CCDC180: variants seen among roughly 807,000 people sequenced by gnomAD.
The protein encoded by CCDC180 is coiled-coil domain-containing protein 180.
CCDC180 carries 154 observed loss-of-function variants against 209.2 expected under a neutral mutation model. The ratio of observed to expected loss-of-function variants is 0.74; its 90% CI spans 0.65 to 0.84. CCDC180 has a LOEUF of 0.84. Ranked by LOEUF, CCDC180 falls within the 40% of genes least tolerant of loss-of-function variation. The pLI, the probability that CCDC180 is intolerant of heterozygous loss-of-function variation, is 0.00. For missense variants in CCDC180, 1,874 were observed against 1,997.3 expected (o/e 0.94, Z 1.18); for synonymous variants, 778 against 749.1 (o/e 1.04, Z -0.63).
At chr9:97,327,993 C>T (rs1833590764) in intron 15 of CCDC180, 27 bp from the exon 16 acceptor site, 1 of 1,605,508 alleles carries the variant, frequency 6.2e-7, no homozygotes, top group Non-Finnish European at 8.5e-7. Context: ...TAGCTGGGGT[C>T]TCCTGTCTTA....
chr9:97,323,776 T>C lies in CCDC180; in HGVS notation c.1249-5T>C. The C allele has an allele frequency of 6.4e-7, 1 of 1,557,734 alleles. No homozygotes were observed. On this transcript the variant is annotated splice_polypyrimidine_tract_variant and splice_region_variant and intron_variant, in intron 12 of 36. Coordinates refer to ENST00000529487, the MANE Select transcript of CCDC180 (RefSeq NM_020893.6). ...CCAGGCTCTGCCTTGTCCCACACACTCCAGAAGCAGCTGCTGGACTGGAAA... is the reference window on the plus strand; with the variant it reads ...CCAGGCTCTGCCTTGTCCCACACACCCCAGAAGCAGCTGCTGGACTGGAAA...
At chr9:97,318,209 A>G (rs1428240827) in intron 9 of CCDC180, among the ~76,000 whole-genome samples, 1 of 152,198 alleles carries the variant, frequency 6.6e-6, no homozygotes, top group Non-Finnish European at 1.5e-5. Flanking sequence ...TGTTGGTGCC[A>G]GAGCTCCATT....
intron 32 of CCDC180, 148 bp from the exon 33 acceptor site, chr9:97,370,493 C>A: frequency 1.1e-6 from 1 of 873,680 alleles, no homozygotes; most frequent in Non-Finnish European, 1.8e-6. Context: ...CCTCTTAACC[C>A]CTCTGCCACT....
At chr9:97,307,375 C>G (rs766842382), upstream of CCDC180, 7 of 511,650 alleles carry the variant, frequency 1.4e-5, no homozygotes, top group South Asian at 3.1e-5. Flanking sequence ...TTGAGAGGTG[C>G]TTTCTGCAGG....
At chr9:97,347,260 C>T in intron 19 of CCDC180, 54 bp from the exon 20 acceptor site, 1 of 1,510,122 alleles carries the variant, frequency 6.6e-7, no homozygotes, top group Non-Finnish European at 8.8e-7. Flanking sequence ...ATGGAAAGAC[C>T]TCTCATGGGT....
intron 33 of CCDC180, 46 bp downstream of exon 33, chr9:97,370,824 A>G: frequency 6.3e-7 from 1 of 1,598,384 alleles, no homozygotes; most frequent in Non-Finnish European, 8.5e-7. Context: ...CTCCAAATAT[A>G]GCCCGATGGA....
chr9:97,323,883 G>C lies in CCDC180; in HGVS notation c.1351G>C (p.Glu451Gln). ...MVGALQGKVEEDLELLDKSFE... is the reference protein window; with the variant it reads ...MVGALQGKVEQDLELLDKSFE... ...GGGAGCACTCCAGGGCAAAGTGGAGGAGGACCTGGAGCTCTTGGACGTGCG... is the reference window on the plus strand; with the variant it reads ...GGGAGCACTCCAGGGCAAAGTGGAGCAGGACCTGGAGCTCTTGGACGTGCG... Residue 451 changes from glutamate to glutamine, a missense_variant, in exon 13 of 37, where the codon GAG becomes CAG. Coordinates refer to ENST00000529487, the MANE Select transcript of CCDC180 (RefSeq NM_020893.6). 1 of 1,554,728 alleles carries C rather than the reference G, an allele frequency of 6.4e-7. No individual in the cohort carries two copies.
chr9:97,370,185 G>A (rs1037367391), intron 32 of CCDC180, 103 bp downstream of exon 32: 31 of 1,331,550 alleles, frequency 2.3e-5, no homozygotes, highest in Non-Finnish European at 9.2e-6. Flanking sequence ...GGAAGAAGGT[G>A]AGCTTGGCTT....
chr9:97,345,746 G>A (rs1158873014), intron 19 of CCDC180: 7 of 226,392 alleles, frequency 3.1e-5, no homozygotes, highest in East Asian at 1.4e-4. Context: ...GTGAAACTCC[G>A]TCTCAAAAAA....
intron 14 of CCDC180, among the ~76,000 whole-genome samples, chr9:97,325,663 T>G (rs569279047): frequency 6.6e-6 from 1 of 152,230 alleles, no homozygotes; most frequent in Non-Finnish European, 1.5e-5. Flanking sequence ...TGTGCCTTTC[T>G]ATGTGCGGTT....
rs556468025 is a variant in CCDC180, at chr9:97,350,417, C to T, written c.2864C>T (p.Thr955Ile). 3 of 1,535,504 alleles carry T rather than the reference C, an allele frequency of 2.0e-6. 1 individual carries two copies. In the South Asian group the frequency reaches 3.6e-5, roughly 18 times the overall value. The part of the protein sequence containing the change: ...LNATRSQKLV[T>I]LSNTLHQELL... ...TCCTCTGTCTCCCACAGGCTGGTCACTCTCAGCAACACACTGCACCAGGAG... is the reference window on the plus strand; with the variant it reads ...TCCTCTGTCTCCCACAGGCTGGTCATTCTCAGCAACACACTGCACCAGGAG... Residue 955 changes from threonine (T) to isoleucine (I), a missense_variant, in exon 22 of 37, where the codon ACT becomes ATT. By Grantham distance (89) the Thr-to-Ile change is moderately conservative. Transcript: ENST00000529487.
At chr9:97,314,088 C>G (rs1833076245) in intron 5 of CCDC180, among the ~76,000 whole-genome samples, 1 of 152,222 alleles carries the variant, frequency 6.6e-6, no homozygotes, top group African/African-American at 2.4e-5. Flanking sequence ...CTGAAGTAAA[C>G]CTGGCATTCT....
intron 26 of CCDC180, among the ~76,000 whole-genome samples, chr9:97,360,398 C>A (rs1418287717): frequency 6.6e-6 from 1 of 152,062 alleles, no homozygotes; most frequent in Non-Finnish European, 1.5e-5. Flanking sequence ...CAAGCCAGTC[C>A]CACCTCTCAG....
At position 97,307,688 on chromosome 9, in the gene CCDC180, T is replaced by A; in HGVS notation, c.-200T>A. The A allele has an allele frequency of 1.9e-6, 3 of 1,574,714 alleles. No individual in the cohort carries two copies. In the South Asian group the frequency reaches 3.3e-5, roughly 18 times the overall value. On this transcript the variant is annotated 5_prime_UTR_variant, in exon 1 of 37. The change abolishes an upstream ATG in the 5' untranslated region. Transcript: ENST00000529487. ...GCCGTTAACTTTTCCCCGAAGAGCATGGCAGAGTGAAGCACAAGCAATAAT... is the reference window on the plus strand; with the variant it reads ...GCCGTTAACTTTTCCCCGAAGAGCAAGGCAGAGTGAAGCACAAGCAATAAT...
At chr9:97,334,269 A>C (rs570393915) in intron 18 of CCDC180, among the ~76,000 whole-genome samples, 1 of 152,284 alleles carries the variant, frequency 6.6e-6, no homozygotes, top group African/African-American at 2.4e-5. Flanking sequence ...ACTTAGCCCT[A>C]GGGAGCCGTT....
chr9:97,326,732 G>A, intron 15 of CCDC180, 63 bp downstream of exon 15: 1 of 1,085,866 alleles, frequency 9.2e-7, no homozygotes, highest in East Asian at 2.4e-5. Context: ...CAAGGTCAAG[G>A]GCAGCCTGCC....
chr9:97,345,184 A>G (rs759528165), intron 19 of CCDC180, among the ~76,000 whole-genome samples: 1 of 152,202 alleles, frequency 6.6e-6, no homozygotes, highest in South Asian at 2.1e-4. Flanking sequence ...TCTGGTGAAT[A>G]TATGTATATG....
chr9:97,348,821 C>T (rs1055762308), intron 20 of CCDC180, among the ~76,000 whole-genome samples: 3 of 152,218 alleles, frequency 2.0e-5, no homozygotes, highest in Admixed American at 6.5e-5. Context: ...CACCCCCTGC[C>T]CATCCTGCCT....
intron 23 of CCDC180, 40 bp downstream of exon 23, chr9:97,354,753 AGTATCCCTT>A (rs1324858801): frequency 6.2e-7 from 1 of 1,613,390 alleles, no homozygotes; most frequent in East Asian, 2.2e-5. Flanking sequence ...CCGGTTCCAC[AGTATCCCTT>A]GCTCAACTCC....
Sources: gnomAD v4.1 joint callset for allele counts (sites outside exome capture counted in the v4.1 genomes callset) on GRCh38, gnomAD v4.1.1 for gene constraint, MANE v1.5 for transcripts, NCBI Gene and HGNC (gene_info 2026-07-23, HGNC 2026-07-21) for gene names.